The following RBFOX1 variants were observed in gnomAD, a reference collection of about 807,000 sequenced individuals.
RBFOX1 encodes the protein RNA binding protein fox-1 homolog 1.
A neutral mutation model predicts 57.7 loss-of-function variants in RBFOX1; 8 were observed. The observed-to-expected ratio is 0.14, with a 90% CI of 0.08 to 0.25. The LOEUF (loss-of-function observed/expected upper bound fraction) is 0.25. Ranked by LOEUF, RBFOX1 falls within the 10% of genes least tolerant of loss-of-function variation. The pLI is 1.00. For synonymous variants in RBFOX1, 326 were observed against 222.4 expected (o/e 1.47, Z -4.15); for missense variants, 611 against 548.5 (o/e 1.11, Z -1.14).
chr16:6,335,889 C>G (rs954645278), intron 2 of RBFOX1, among the ~76,000 whole-genome samples: 5 of 150,332 alleles, frequency 3.3e-5, no homozygotes, highest in Non-Finnish European at 7.4e-5. Context: ...TTCCTATGTC[C>G]ATATGTCCAT....
At chr16:7,691,600 T>C (rs1246665801) in intron 14 of RBFOX1, among the ~76,000 whole-genome samples, 1 of 152,092 alleles carries the variant, frequency 6.6e-6, no homozygotes, top group East Asian at 1.9e-4. Flanking sequence ...ACAAGCCTAG[T>C]TTCTTAGAGG....
chr16:6,944,049 C>G (rs1023134824), intron 3 of RBFOX1, among the ~76,000 whole-genome samples: 8 of 152,116 alleles, frequency 5.3e-5, no homozygotes, highest in African/African-American at 1.4e-4. Flanking sequence ...ACAGGGACAA[C>G]CAACACTGCA....
intron 3 of RBFOX1, among the ~76,000 whole-genome samples, chr16:7,010,801 G>C (rs76634086): frequency 6.6e-6 from 1 of 152,120 alleles, no homozygotes; most frequent in Non-Finnish European, 1.5e-5. Context: ...CTGGCCTCAA[G>C]TGATCTACCC....
intron 3 of RBFOX1, among the ~76,000 whole-genome samples, chr16:5,720,023 C>G (rs1254352299): frequency 6.6e-6 from 1 of 152,098 alleles, no homozygotes; most frequent in East Asian, 1.9e-4. Context: ...TCGTAGGTTC[C>G]CATTCCCCCT....
chr16:7,562,781 C>G (rs140188410), intron 5 of RBFOX1, among the ~76,000 whole-genome samples: 3 of 152,220 alleles, frequency 2.0e-5, no homozygotes, highest in South Asian at 2.1e-4. Context: ...TCCCACTGAT[C>G]CTACAAACTG....
At chr16:5,719,550 G>A (rs1405859821) in intron 3 of RBFOX1, among the ~76,000 whole-genome samples, 4 of 151,844 alleles carry the variant, frequency 2.6e-5, no homozygotes, top group Non-Finnish European at 5.9e-5. Context: ...CACCCATTAA[G>A]CAGTAACTCC....
At position 6,991,107 on chromosome 16, in the gene RBFOX1, T is replaced by C. The variant is rs1342615893; in HGVS notation, c.-15-60950T>C. On this transcript the variant is annotated intron_variant, in intron 3 of 15. Coordinates refer to ENST00000550418, the MANE Select transcript of RBFOX1 (RefSeq NM_018723.4). ...GCTTCAGCACAGAAGTTCGAGGCCA[T>C]CCTAGGCAACGTAATAAAATTGTCT... 4.3e-5 allele frequency among the ~76,000 whole-genome samples: 5 copies of C among 115,456 alleles called. No individual in the cohort carries two copies. In the Admixed American group the frequency reaches 6.4e-4, roughly 15 times the overall value. The allele number at this position is 115,456 out of a possible 152,430, so 75.7% of individuals were successfully genotyped here.
At chr16:7,176,849 A>C (rs1236501827) in intron 4 of RBFOX1, among the ~76,000 whole-genome samples, 1 of 152,230 alleles carries the variant, frequency 6.6e-6, no homozygotes, top group Non-Finnish European at 1.5e-5. Context: ...AAAAATACAG[A>C]AATGTAAGAC....
intron 1 of RBFOX1, among the ~76,000 whole-genome samples, chr16:6,160,888 A>G (rs763199763): frequency 2.0e-5 from 3 of 152,046 alleles, no homozygotes; most frequent in African/African-American, 7.2e-5. Flanking sequence ...CTTTTCTGAG[A>G]TTGCCCTCAT....
intron 4 of RBFOX1, among the ~76,000 whole-genome samples, chr16:7,465,711 C>G (rs929584706): frequency 6.6e-6 from 1 of 152,138 alleles, no homozygotes; most frequent in African/African-American, 2.4e-5. Context: ...AATAGGAGCA[C>G]TCATTAAATG....
intron 4 of RBFOX1, among the ~76,000 whole-genome samples, chr16:7,377,474 T>G (rs973867649): frequency 6.6e-6 from 1 of 152,210 alleles, no homozygotes; most frequent in Non-Finnish European, 1.5e-5. Context: ...ACAGCTTGGC[T>G]AACACATCAA....
At chr16:5,614,539 C>T (rs968215138) in intron 3 of RBFOX1, among the ~76,000 whole-genome samples, 2 of 152,170 alleles carry the variant, frequency 1.3e-5, no homozygotes, top group African/African-American at 2.4e-5. Flanking sequence ...ATTTGTCACT[C>T]CCTGGGACTT....
intron 4 of RBFOX1, among the ~76,000 whole-genome samples, chr16:7,274,274 A>C (rs983837976): frequency 6.6e-6 from 1 of 152,234 alleles, no homozygotes; most frequent in African/African-American, 2.4e-5. Context: ...ATTGTCATTT[A>C]ATCGTCACAA....
At chr16:7,028,199 C>T (rs1240528338) in intron 3 of RBFOX1, among the ~76,000 whole-genome samples, 5 of 152,042 alleles carry the variant, frequency 3.3e-5, no homozygotes, top group Non-Finnish European at 7.4e-5. Flanking sequence ...TAGACTCTTC[C>T]ATTTCCAAGA....
Position 5,809,533 on chromosome 16 carries a change from C to T in RBFOX1, c.319-57770C>T, listed in dbSNP as rs1006315682. ...ACGAAGGACATGAACAGACACTTCT[C>T]AAAAGAAGACATTTATGCAGCCAAA... On this transcript the variant is annotated intron_variant, in intron 3 of 19. Transcript: ENST00000641259. Among the ~76,000 whole-genome samples, 103 of 152,276 alleles carry T rather than the reference C, an allele frequency of 6.8e-4. 1 individual carries two copies. Among genetic ancestry groups the T allele is most frequent in the African/African-American group, 2.2e-3 (93 of 41,560 alleles).
chr16:6,600,927 G>A (rs1488611727), intron 2 of RBFOX1, among the ~76,000 whole-genome samples: 1 of 152,154 alleles, frequency 6.6e-6, no homozygotes, highest in African/African-American at 2.4e-5. Flanking sequence ...AGTCCCTCAG[G>A]TGATACTCTG....
chr16:6,182,029 C>T (rs887760612), intron 1 of RBFOX1, among the ~76,000 whole-genome samples: 5 of 152,096 alleles, frequency 3.3e-5, no homozygotes, highest in Admixed American at 6.6e-5. Flanking sequence ...TCACATGGTC[C>T]CACTAAAATA....
At chr16:6,911,496 C>G (rs1567841011) in intron 3 of RBFOX1, among the ~76,000 whole-genome samples, 1 of 152,098 alleles carries the variant, frequency 6.6e-6, no homozygotes, top group South Asian at 2.1e-4. Context: ...TGTGTTCTCC[C>G]CATAAGCATG....
chr16:7,251,430 G>A (rs1359319831), intron 4 of RBFOX1, among the ~76,000 whole-genome samples: 2 of 150,330 alleles, frequency 1.3e-5, no homozygotes, highest in Admixed American at 6.6e-5. Flanking sequence ...TTCTGTGGGG[G>A]ATGGAGTTTT....
Sources: gnomAD v4.1 joint callset for allele counts (sites outside exome capture counted in the v4.1 genomes callset) on GRCh38, gnomAD v4.1.1 for gene constraint, MANE v1.5 for transcripts, NCBI Gene and HGNC (gene_info 2026-07-23, HGNC 2026-07-21) for gene names.